The following DCLK2 variants were observed in gnomAD, a reference collection of about 807,000 sequenced individuals.
DCLK2 encodes doublecortin like kinase 2.
In DCLK2, 31 loss-of-function variants were observed where a neutral mutation model predicts 78.4. That is an observed-to-expected ratio of 0.40 (90% confidence interval 0.30 to 0.53). The LOEUF (loss-of-function observed/expected upper bound fraction) is 0.53. Among genes scored for constraint, DCLK2 ranks in the 20% least tolerant of loss-of-function variants. The pLI, the probability that DCLK2 is intolerant of heterozygous loss-of-function variation, is 0.61. For synonymous variants in DCLK2, 407 were observed against 374.9 expected (o/e 1.09, Z -0.99); for missense variants, 872 against 973.7 (o/e 0.90, Z 1.39).
intron 5 of DCLK2, among the ~76,000 whole-genome samples, chr4:150,210,963 AG>A (rs778249522): frequency 0.054 from 7,835 of 145,782 alleles, 321 homozygotes; most frequent in African/African-American, 0.06. Flanking sequence ...AAAAAAAAAA[AG>A]AAAGAAAGAA....
chr4:150,253,248 CCTGGTTTT>C lies in DCLK2; in HGVS notation c.2074-2768_2074-2761del, dbSNP rs762818621. On this transcript the variant is annotated intron_variant, in intron 15 of 15. Coordinates refer to ENST00000296550, the MANE Select transcript of DCLK2 (RefSeq NM_001040260.4). Reference sequence around the variant, plus strand: ...CTCATAACTGAGACTGTGGGGCCAACCTGGTTTTCTGCAGATACAAATGATAGTGGAAA... The same window carrying C: ...CTCATAACTGAGACTGTGGGGCCAACCTGCAGATACAAATGATAGTGGAAA... The C allele has an allele frequency of 1.7e-5, 9 of 536,714 alleles. No individual in the cohort carries two copies. The African/African-American group carries it at 1.7e-4, about 10-fold the overall frequency. 33.2% of individuals were successfully genotyped at this position (536,714 alleles called of 1,614,324 possible). A position where few individuals can be genotyped will look rare whatever the true frequency, so the allele number is the denominator to read the frequency against.
At chr4:150,123,487 A>G (rs1732708774) in intron 2 of DCLK2, among the ~76,000 whole-genome samples, 1 of 152,222 alleles carries the variant, frequency 6.6e-6, no homozygotes, top group Non-Finnish European at 1.5e-5. Context: ...CAGTAGTAAC[A>G]TCAAAAAATA....
At chr4:150,249,047 C>G (rs79334667) in intron 14 of DCLK2, among the ~76,000 whole-genome samples, 2,546 of 152,186 alleles carry the variant, frequency 0.017, 69 homozygotes, top group African/African-American at 0.058. Context: ...CCTCCAATGC[C>G]CCACCCACCC....
At chr4:150,083,954 GGA>G (rs1278775090) in intron 1 of DCLK2, among the ~76,000 whole-genome samples, 4 of 152,166 alleles carry the variant, frequency 2.6e-5, no homozygotes, top group African/African-American at 7.2e-5. Flanking sequence ...CATTCTCCTG[GGA>G]GAGAGACAGT....
intron 1 of DCLK2, among the ~76,000 whole-genome samples, chr4:150,084,560 T>A (rs922591642): frequency 7.2e-5 from 11 of 151,984 alleles, no homozygotes; most frequent in Admixed American, 7.2e-4. Context: ...AAGAGGAAAA[T>A]TTTCATTTAA....
At chr4:150,101,518 A>C (rs891437262) in intron 1 of DCLK2, among the ~76,000 whole-genome samples, 23 of 152,278 alleles carry the variant, frequency 1.5e-4, no homozygotes, top group African/African-American at 5.3e-4. Flanking sequence ...GAATATGTGA[A>C]AAAATAATGG....
In DCLK2 at chr4:150,079,173, C is replaced by A. The variant is rs1349055211; in HGVS notation, c.146C>A (p.Ala49Glu). The stretch of plus-strand genomic sequence containing the variant: ...GGGAACGGGCTCATCCCCAGTCCGG[C>A]GCACAGTGCCCACTGCAGCTTCTAC... ...PKGNGLIPSP[A>E]HSAHCSFYRT... Residue 49 changes from alanine (A) to glutamate (E), a missense_variant, in exon 1 of 16, where the codon GCG becomes GAG. Physicochemically the swap from Ala to Glu is moderately radical, Grantham distance 107. Around this residue, in one of 3 missense-constraint regions of DCLK2, gnomAD observed 567 missense variants for 593.4 expected, o/e 0.96. Transcript: ENST00000296550. 5.0e-6 allele frequency: 8 copies of A among 1,608,936 alleles called. No homozygotes were observed. Among genetic ancestry groups the A allele is most frequent in the Non-Finnish European group, 6.8e-6 (8 of 1,177,690 alleles).
chr4:150,223,754 T>TAAAC (rs980994319), intron 7 of DCLK2, among the ~76,000 whole-genome samples: 22 of 151,490 alleles, frequency 1.5e-4, no homozygotes, highest in Non-Finnish European at 3.1e-4. Flanking sequence ...AATAAATAAA[T>TAAAC]AAATAAATAA....
intron 2 of DCLK2, among the ~76,000 whole-genome samples, chr4:150,103,720 A>G (rs1410129635): frequency 6.6e-6 from 1 of 152,236 alleles, no homozygotes; most frequent in Non-Finnish European, 1.5e-5. Flanking sequence ...TGGGAAAAAC[A>G]CAATCAAATT....
intron 12 of DCLK2, among the ~76,000 whole-genome samples, chr4:150,246,294 A>C (rs983565914): frequency 6.6e-6 from 1 of 152,092 alleles, no homozygotes. Flanking sequence ...TAATCCACCC[A>C]CCTTGGCCTC....
intron 2 of DCLK2, among the ~76,000 whole-genome samples, chr4:150,187,343 A>G (rs1273959316): frequency 6.6e-6 from 1 of 152,048 alleles, no homozygotes; most frequent in Non-Finnish European, 1.5e-5. Flanking sequence ...TTTTATGACT[A>G]TTCTAGGGAG....
At position 150,247,713 on chromosome 4, in the gene DCLK2, C is replaced by G; in HGVS notation, c.1875+14C>G. On this transcript the variant is annotated intron_variant, in intron 13 of 15. Coordinates refer to ENST00000296550, the MANE Select transcript of DCLK2 (RefSeq NM_001040260.4). Reference sequence around the variant, plus strand: ...GACTCTGCCAAGGTACCCTCCAGGCCTGTTTCTGTGGGTTGTATTACGTTG... The same window carrying G: ...GACTCTGCCAAGGTACCCTCCAGGCGTGTTTCTGTGGGTTGTATTACGTTG... The G allele has an allele frequency of 6.2e-7, 1 of 1,609,042 alleles. No individual in the cohort carries two copies. The highest frequency in any genetic ancestry group is 8.5e-7 in the Non-Finnish European group (1 of 1,175,746).
At chr4:150,219,111 G>A (rs962758362) in intron 5 of DCLK2, among the ~76,000 whole-genome samples, 1 of 152,038 alleles carries the variant, frequency 6.6e-6, no homozygotes, top group Non-Finnish European at 1.5e-5. Context: ...GACTGAGGTG[G>A]GAGGATCCCT....
intron 4 of DCLK2, among the ~76,000 whole-genome samples, chr4:150,202,387 G>C (rs1739524699): frequency 6.6e-6 from 1 of 152,154 alleles, no homozygotes; most frequent in Non-Finnish European, 1.5e-5. Context: ...AGGGTTTTGA[G>C]TCAGAAAAAT....
intron 1 of DCLK2, among the ~76,000 whole-genome samples, chr4:150,100,607 A>G (rs1186934114): frequency 6.6e-6 from 1 of 152,234 alleles, no homozygotes; most frequent in African/African-American, 2.4e-5. Context: ...AAATAGAATT[A>G]AAGTTTTATG....
rs116355635 is a variant in DCLK2, at chr4:150,121,734, C to T, written c.756+18922C>T. On this transcript the variant is annotated intron_variant, in intron 2 of 15. Coordinates refer to ENST00000296550, the MANE Select transcript of DCLK2 (RefSeq NM_001040260.4). ...CCTGGATCCATCAGAAGAATCGCTA[C>T]GGCAAGTATAGCCTTACAAAATGTA... is the stretch of plus-strand genomic sequence containing the variant. Among the ~76,000 whole-genome samples, 833 of 152,282 alleles carry T rather than the reference C, an allele frequency of 5.5e-3. 1 individual carries two copies. Among genetic ancestry groups the T allele is most frequent in the Middle Eastern group, 0.017 (5 of 294 alleles).
At chr4:150,161,230 C>T (rs1386841694) in intron 2 of DCLK2, among the ~76,000 whole-genome samples, 1 of 152,150 alleles carries the variant, frequency 6.6e-6, no homozygotes, top group African/African-American at 2.4e-5. Context: ...CAGATACAGG[C>T]TATCTTTTAA....
chr4:150,163,126 G>A (rs1441033491), intron 2 of DCLK2, among the ~76,000 whole-genome samples: 2 of 152,086 alleles, frequency 1.3e-5, no homozygotes, highest in African/African-American at 4.8e-5. Context: ...GGCTGGGCTC[G>A]GTGGCTCACG....
At chr4:150,242,351 G>A (rs552895501) in intron 12 of DCLK2, among the ~76,000 whole-genome samples, 2 of 152,276 alleles carry the variant, frequency 1.3e-5, no homozygotes, top group East Asian at 3.9e-4. Context: ...GTTTTTGTAG[G>A]TGGAAAGATA....
Sources: gnomAD v4.1 joint callset for allele counts (sites outside exome capture counted in the v4.1 genomes callset) on GRCh38, gnomAD v4.1.1 for gene constraint, gnomAD v4.1.1 regional missense constraint, MANE v1.5 for transcripts, NCBI Gene and HGNC (gene_info 2026-07-23, HGNC 2026-07-21) for gene names.